Variants in TTLL5 observed in about 807,000 individuals in gnomAD.
TTLL5 encodes the protein tubulin polyglutamylase TTLL5.
In TTLL5, 132 loss-of-function variants were observed where a neutral mutation model predicts 168.4. The ratio of observed to expected loss-of-function variants is 0.78; its 90% confidence interval spans 0.68 to 0.91. The LOEUF is 0.91. Among genes scored for constraint, TTLL5 ranks in the 40% least tolerant of loss-of-function variants. TTLL5 has a pLI of 0.00. For synonymous variants in TTLL5, 546 were observed against 558.6 expected, an observed-to-expected ratio of 0.98 and a Z score of 0.32; for missense variants, 1,545 against 1,581.5, an observed-to-expected ratio of 0.98 and a Z score of 0.39.
chr14:75,906,574 A>G lies in TTLL5; in HGVS notation c.3823+4350A>G, dbSNP rs1479920212. ...TTTCAGGATCTTTGGATACTCCCCAAGTTATTTTCGCCACATCCAAACCCT... is the reference window on the plus strand; with the variant it reads ...TTTCAGGATCTTTGGATACTCCCCAGGTTATTTTCGCCACATCCAAACCCT... On this transcript the variant is annotated intron_variant, in intron 31 of 31. Coordinates refer to ENST00000298832, the MANE Select transcript of TTLL5 (RefSeq NM_015072.5). 5.1e-6 allele frequency: 5 copies of G among 985,776 alleles called. No homozygotes were observed. The African/African-American group carries it at 8.7e-5, about 17-fold the overall frequency. 61.1% of individuals were successfully genotyped at this position (985,776 alleles called of 1,614,324 possible). A position where few individuals can be genotyped will look rare whatever the true frequency, so the allele number is the denominator to read the frequency against.
At chr14:75,890,698 A>T (rs184543598) in intron 30 of TTLL5, among the ~76,000 whole-genome samples, 206 of 152,094 alleles carry the variant, frequency 1.4e-3, no homozygotes, top group Middle Eastern at 3.4e-3. Flanking sequence ...TCTTCAAACT[A>T]TTTTTCTGAA....
At chr14:75,667,149 A>G (rs1439749703) in intron 2 of TTLL5, among the ~76,000 whole-genome samples, 2 of 151,986 alleles carry the variant, frequency 1.3e-5, no homozygotes, top group Middle Eastern at 3.4e-3. Flanking sequence ...TCTCTGTTAG[A>G]GACTTGGCTT....
At chr14:75,713,801 A>G (rs1413546286) in intron 9 of TTLL5, among the ~76,000 whole-genome samples, 2 of 152,200 alleles carry the variant, frequency 1.3e-5, no homozygotes, top group African/African-American at 2.4e-5. Context: ...TTGAACATGT[A>G]GATTTTTACT....
rs145549489 is a variant in TTLL5, at chr14:75,717,875, G to T, written c.755G>T (p.Arg252Leu). The change falls in exon 10 of 32, where the codon CGA becomes CTA. Residue 252 changes from arginine to leucine, a missense_variant. Arg to Leu is a moderately radical substitution (Grantham distance 102). Coordinates refer to ENST00000298832, the MANE Select transcript of TTLL5 (RefSeq NM_015072.5). ...CCTTCTATCAGGTTTGCAACTGTGC[G>T]ATATGATCAAGGAGCCAAGAACATT... is the stretch of plus-strand genomic sequence containing the variant. ...EEGLARFATV[R>L]YDQGAKNIRN... 6.2e-7 allele frequency: 1 copy of T among 1,613,674 alleles called. No individual in the cohort carries two copies. The highest frequency in any genetic ancestry group is 8.5e-7 in the Non-Finnish European group (1 of 1,179,860).
At chr14:75,775,720 A>G in intron 22 of TTLL5, 90 bp downstream of exon 22, 2 of 1,476,788 alleles carry the variant, frequency 1.4e-6, no homozygotes, top group South Asian at 1.3e-5. Context: ...CTGGATGGAG[A>G]CACTCTTCTT....
chr14:75,782,719 C>T (rs1008538650), intron 25 of TTLL5, 146 bp downstream of exon 25: 1 of 761,094 alleles, frequency 1.3e-6, no homozygotes, highest in African/African-American at 1.8e-5. Flanking sequence ...TTAGAATTTT[C>T]TCTTATCTAT....
Position 75,837,892 on chromosome 14 carries a change from T to TAC in TTLL5, c.3326+17740_3326+17741dup, listed in dbSNP as rs554818176. On this transcript the variant is annotated intron_variant, in intron 28 of 31. Transcript: ENST00000298832. ...GTGTGTATATATGTATACACACCCA[T>TAC]ACACACACACTACATTTTGTTTACT... 4.1e-3 allele frequency among the ~76,000 whole-genome samples: 618 copies of TAC among 152,138 alleles called. 3 individuals carry two copies. Among genetic ancestry groups the TAC allele is most frequent in the African/African-American group, 0.014 (601 of 41,498 alleles).
At chr14:75,754,992 C>T (rs1364404906) in intron 18 of TTLL5, among the ~76,000 whole-genome samples, 6 of 152,056 alleles carry the variant, frequency 3.9e-5, no homozygotes, top group East Asian at 1.9e-4. Flanking sequence ...TGGCCAGGCG[C>T]GGTGGCTCAC....
At chr14:75,690,455 C>A in intron 6 of TTLL5, 133 bp downstream of exon 6, 2 of 1,147,924 alleles carry the variant, frequency 1.7e-6, no homozygotes, top group Non-Finnish European at 2.4e-6. Flanking sequence ...TTTAGTAAAA[C>A]AGTTGCAGAG....
chr14:75,802,973 C>T (rs576983744), intron 27 of TTLL5, among the ~76,000 whole-genome samples: 39 of 152,180 alleles, frequency 2.6e-4, no homozygotes, highest in Non-Finnish European at 1.2e-4. Context: ...AAACGAGTGA[C>T]AGGCTAAGGA....
intron 27 of TTLL5, among the ~76,000 whole-genome samples, chr14:75,817,013 GCT>G (rs1386949896): frequency 2.6e-5 from 3 of 116,962 alleles, no homozygotes; most frequent in Admixed American, 1.3e-4. Context: ...CAAGAGTCTC[GCT>G]CTGTCGCCAG....
At chr14:75,815,464 A>G (rs555644236) in intron 27 of TTLL5, among the ~76,000 whole-genome samples, 28 of 152,390 alleles carry the variant, frequency 1.8e-4, no homozygotes, top group Admixed American at 5.2e-4. Flanking sequence ...TGTTATGTGA[A>G]TAAACGTAAC....
At chr14:75,777,166 A>G (rs905711202) in intron 23 of TTLL5, among the ~76,000 whole-genome samples, 1 of 152,260 alleles carries the variant, frequency 6.6e-6, no homozygotes, top group South Asian at 2.1e-4. Context: ...TTATGTTGCT[A>G]TTTTCATGGC....
intron 29 of TTLL5, among the ~76,000 whole-genome samples, chr14:75,869,296 C>T (rs543938595): frequency 6.6e-6 from 1 of 152,172 alleles, no homozygotes; most frequent in African/African-American, 2.4e-5. Flanking sequence ...ATAGAAAATA[C>T]ATGAAATAAT....
At chr14:75,737,479 C>T in intron 15 of TTLL5, 4 of 1,383,786 alleles carry the variant, frequency 2.9e-6, no homozygotes, top group East Asian at 5.0e-5. Context: ...TTATTTTTTC[C>T]TTTTTTATAT....
intron 15 of TTLL5, among the ~76,000 whole-genome samples, chr14:75,740,651 A>G (rs899289593): frequency 3.9e-5 from 6 of 152,244 alleles, no homozygotes; most frequent in Admixed American, 6.5e-5. Context: ...CCTGATTATC[A>G]GTATGTTTAA....
intron 9 of TTLL5, chr14:75,709,193 A>C: frequency 2.6e-6 from 2 of 762,122 alleles, no homozygotes; most frequent in Non-Finnish European, 4.8e-6. Context: ...TGCAATTGGA[A>C]GATGGGAAAT....
intron 12 of TTLL5, among the ~76,000 whole-genome samples, chr14:75,723,935 G>A (rs1028145696): frequency 6.6e-6 from 1 of 151,672 alleles, no homozygotes; most frequent in Non-Finnish European, 1.5e-5. Context: ...TTTTGTATAC[G>A]TGTGTATATT....
chr14:75,725,693 C>G (rs779457306), intron 12 of TTLL5, among the ~76,000 whole-genome samples: 8 of 152,172 alleles, frequency 5.3e-5, no homozygotes, highest in Non-Finnish European at 8.8e-5. Context: ...TGGATTCTCC[C>G]TCTGCTCTCC....
Sources: allele counts gnomAD v4.1 joint callset (sites outside exome capture counted in the v4.1 genomes callset), GRCh38; gene constraint gnomAD v4.1.1; transcripts MANE v1.5; gene names NCBI Gene and HGNC (gene_info 2026-07-23, HGNC 2026-07-21).